RADIL: variants seen among roughly 807,000 people sequenced by gnomAD.
RADIL encodes Rap associating with DIL domain, also known as ras-associating and dilute domain-containing protein.
In RADIL, 99 loss-of-function variants were observed where a neutral mutation model predicts 97.6. The ratio of observed to expected loss-of-function variants is 1.01; its 90% confidence interval spans 0.86 to 1.20. RADIL has a LOEUF of 1.20. Among genes scored for constraint, RADIL ranks in the 50% most tolerant of loss-of-function variants. RADIL has a pLI of 0.00. For synonymous variants in RADIL, 803 were observed against 691.8 expected, an observed-to-expected ratio of 1.16 and a Z score of -2.52; for missense variants, 1,765 against 1,498.9, an observed-to-expected ratio of 1.18 and a Z score of -2.93.
chr7:4,873,962 T>A lies in RADIL; in HGVS notation c.535+3643A>T. Among the ~76,000 whole-genome samples, 1 of 152,234 alleles carries A rather than the reference T, an allele frequency of 6.6e-6. No homozygotes were observed. Among genetic ancestry groups the A allele is most frequent in the East Asian group, 1.9e-4 (1 of 5,194 alleles). ...CCCACCTCCTCCCCTTCTCTGGCTCTCAGTCGTTCCCCTTGGAGGGGCGAG... is the reference window on the plus strand; with the variant it reads ...CCCACCTCCTCCCCTTCTCTGGCTCACAGTCGTTCCCCTTGGAGGGGCGAG... On this transcript the variant is annotated intron_variant, in intron 2 of 14. Transcript: ENST00000399583. The surrounding 1 kb of genome is among the most constrained non-coding windows in gnomAD (Gnocchi z 4.3).
rs368006169 is a variant in RADIL, at chr7:4,822,433, G to T, written c.1576C>A (p.Leu526Ile). 6 of 1,612,854 alleles carry T rather than the reference G, an allele frequency of 3.7e-6. No homozygotes were observed. The highest frequency in any genetic ancestry group is 4.2e-6 in the Non-Finnish European group (5 of 1,179,966). The change falls in exon 6 of 15, where the codon CTC becomes ATC. Residue 526 changes from leucine (L) to isoleucine (I), a missense_variant. Coordinates refer to ENST00000399583, the MANE Select transcript of RADIL (RefSeq NM_018059.5). This position sits in a 1 kb window ranked among gnomAD's most constrained non-coding sequence, Gnocchi z 5.3. ...LLYFIQQKCP[L>I]YMQSMEEQLD... ...TGCTCCTCCATGCTCTGCATGTAGA[G>T]TGGGCATTTCTGCTGGATAAAGTAC...
rs1783344759 is a variant in RADIL, at chr7:4,837,960, A to T, written c.536-1355T>A. On this transcript the variant is annotated intron_variant, in intron 2 of 14. Transcript: ENST00000399583. This position sits in a 1 kb window ranked among gnomAD's most constrained non-coding sequence, Gnocchi z 5.6. The stretch of plus-strand genomic sequence containing the variant: ...AACCATTCCCAATAAAACCAAACAA[A>T]AGCCGGATGGAGGGAGGCGTCAGCT... 1 of 985,114 alleles carries T rather than the reference A, an allele frequency of 1.0e-6. No individual in the cohort carries two copies. Among genetic ancestry groups the T allele is most frequent in the East Asian group, 1.1e-4 (1 of 8,768 alleles). The allele number at this position is 985,114 out of a possible 1,614,324, so 61.0% of individuals were successfully genotyped here.
rs527548667 is a variant in RADIL at position 4,799,220 on chromosome 7, A to G, written c.*158T>C. On this transcript the variant is annotated 3_prime_UTR_variant, in exon 15 of 15. Transcript: ENST00000399583. ...CATCTGCCATATAAATAGAACCTAC[A>G]CTGAGATGCATGTTATCAACAGGCA... is the stretch of plus-strand genomic sequence containing the variant. 4 of 622,970 alleles carry G rather than the reference A, an allele frequency of 6.4e-6. No individual in the cohort carries two copies. Among genetic ancestry groups the G allele is most frequent in the East Asian group, 2.7e-5 (1 of 36,418 alleles). The allele number at this position is 622,970 out of a possible 1,614,324, so 38.6% of individuals were successfully genotyped here. A position where few individuals can be genotyped will look rare whatever the true frequency, so the allele number is the denominator to read the frequency against.
rs1364706036 is a variant in RADIL, at chr7:4,817,529, C to T, written c.1616-178G>A. 6.6e-6 allele frequency among the ~76,000 whole-genome samples: 1 copy of T among 152,168 alleles called. No individual in the cohort carries two copies. The highest frequency in any genetic ancestry group is 2.4e-5 in the African/African-American group (1 of 41,428). On this transcript the variant is annotated intron_variant, in intron 6 of 14. Coordinates refer to ENST00000399583, the MANE Select transcript of RADIL (RefSeq NM_018059.5). This position sits in a 1 kb window ranked among gnomAD's most constrained non-coding sequence, Gnocchi z 8.3. ...CCCTGGCTGGGACGAGCGCAGCAAA[C>T]CTGCCGCCACTCTTACCTGGGGAGG... is the stretch of plus-strand genomic sequence containing the variant.
chr7:4,850,089 C>T (rs1783670814), intron 2 of RADIL, among the ~76,000 whole-genome samples: 1 of 151,924 alleles, frequency 6.6e-6, no homozygotes, highest in Non-Finnish European at 1.5e-5. Flanking sequence ...GGAGGTATAA[C>T]ACACGATGTA....
intron 9 of RADIL, among the ~76,000 whole-genome samples, chr7:4,811,747 A>T (rs141642598): frequency 0.11 from 16,435 of 152,062 alleles, 1,198 homozygotes; most frequent in African/African-American, 0.21. Flanking sequence ...TCGGCCTCCC[A>T]AAGTGCTGGG....
chr7:4,829,447 C>T (rs573911897), intron 5 of RADIL, among the ~76,000 whole-genome samples: 1 of 152,314 alleles, frequency 6.6e-6, no homozygotes, highest in African/African-American at 2.4e-5. Flanking sequence ...CAGTGGTCCC[C>T]AAGCTGTCCC....
intron 2 of RADIL, among the ~76,000 whole-genome samples, chr7:4,851,533 T>TG (rs1364667965): frequency 6.6e-6 from 1 of 152,166 alleles, no homozygotes; most frequent in Non-Finnish European, 1.5e-5. Context: ...GCGAGGGGCA[T>TG]GTTACTGGAA....
intron 2 of RADIL, among the ~76,000 whole-genome samples, chr7:4,868,469 C>G (rs1287677386): frequency 6.6e-6 from 1 of 152,132 alleles, no homozygotes; most frequent in Non-Finnish European, 1.5e-5. Context: ...GGTGCAAAGC[C>G]GAAATCTTTG....
chr7:4,853,571 C>T (rs758893878), intron 2 of RADIL, among the ~76,000 whole-genome samples: 2 of 151,806 alleles, frequency 1.3e-5, no homozygotes, highest in Non-Finnish European at 2.9e-5. Flanking sequence ...GGAGAAACCC[C>T]GTCTCTACTA....
rs946012566 is a variant in RADIL, at chr7:4,880,923, C to T, written c.-65+2673G>A. ...ACTAGCCTGGGCAACATAACAAGAT[C>T]CCAATCTCTACAGAAAATAAAAATA... On this transcript the variant is annotated intron_variant, in intron 1 of 14. Coordinates refer to ENST00000399583, the MANE Select transcript of RADIL (RefSeq NM_018059.5). This position sits in a 1 kb window ranked among gnomAD's most constrained non-coding sequence, Gnocchi z 4.5. 1.3e-5 allele frequency among the ~76,000 whole-genome samples: 2 copies of T among 152,034 alleles called. No homozygotes were observed. Among genetic ancestry groups the T allele is most frequent in the African/African-American group, 4.8e-5 (2 of 41,372 alleles).
At chr7:4,846,366 C>T (rs1273868484) in intron 2 of RADIL, among the ~76,000 whole-genome samples, 3 of 151,872 alleles carry the variant, frequency 2.0e-5, no homozygotes, top group South Asian at 2.1e-4. Context: ...AGTGTGGTCT[C>T]GATCTCCTGA....
rs1784415293 is a variant in RADIL at position 4,878,283 on chromosome 7, C to T, written c.-64-80G>A. ...ATGAGGCCACAGGCGGTGACTCCTG[C>T]CCGTCATCCCAGCGCTTTAGAAGGC... is the stretch of plus-strand genomic sequence containing the variant. On this transcript the variant is annotated intron_variant, in intron 1 of 14. Transcript: ENST00000399583. The surrounding 1 kb of genome is among the most constrained non-coding windows in gnomAD (Gnocchi z 4.1). 9 of 923,268 alleles carry T rather than the reference C, an allele frequency of 9.7e-6. No individual in the cohort carries two copies. Among genetic ancestry groups the T allele is most frequent in the Non-Finnish European group, 1.4e-5 (9 of 638,790 alleles). The allele number at this position is 923,268 out of a possible 1,614,324, so 57.2% of individuals were successfully genotyped here.
chr7:4,860,729 T>C, intron 2 of RADIL: 1 of 1,614,140 alleles, frequency 6.2e-7, no homozygotes, highest in Non-Finnish European at 8.5e-7. Flanking sequence ...TTCAAAGAGT[T>C]TGGACCACTC....
chr7:4,799,864 CG>C, intron 13 of RADIL, 95 bp from the exon 14 acceptor site: 3 of 1,423,298 alleles, frequency 2.1e-6, no homozygotes, highest in Non-Finnish European at 2.8e-6. Context: ...TACAGGCCCC[CG>C]CCTGGCATCC....
At chr7:4,833,623 G>C (rs539624551) in intron 4 of RADIL, among the ~76,000 whole-genome samples, 1 of 152,158 alleles carries the variant, frequency 6.6e-6, no homozygotes, top group East Asian at 1.9e-4. Flanking sequence ...TGTGGATTTC[G>C]ATATGAGAAA....
At chr7:4,847,243 C>G (rs553665903) in intron 2 of RADIL, among the ~76,000 whole-genome samples, 1 of 152,144 alleles carries the variant, frequency 6.6e-6, no homozygotes, top group African/African-American at 2.4e-5. Flanking sequence ...ATCGCTTGAA[C>G]CCAGGAGGCA....
chr7:4,861,472 T>C (rs1583316589), intron 2 of RADIL: 1 of 1,614,078 alleles, frequency 6.2e-7, no homozygotes, highest in Middle Eastern at 1.6e-4. Context: ...CGTCAATATC[T>C]GCGCCTTTCG....
At position 4,835,104 on chromosome 7, in the gene RADIL, C is replaced by A. The variant is rs148761575; in HGVS notation, c.919G>T (p.Asp307Tyr). The A allele has an allele frequency of 5.6e-6, 9 of 1,608,616 alleles. No individual in the cohort carries two copies. In the East Asian group the frequency reaches 2.0e-4, roughly 36 times the overall value. Reference protein sequence around the residue: ...HCTIRRQPLPDSGQAAGRLVL... With the variant: ...HCTIRRQPLPYSGQAAGRLVL... ...AGCCTCCCCGCGGCCTGGCCGCTGT[C>A]CGGGAGCGGTTGCCGGCGGATGGTG... The change falls in exon 4 of 15, where the codon GAC becomes TAC. Residue 307 changes from aspartate (D) to tyrosine (Y), a missense_variant. Asp to Tyr is a radical substitution (Grantham distance 160). Transcript: ENST00000399583. This position sits in a 1 kb window ranked among gnomAD's most constrained non-coding sequence, Gnocchi z 5.8.
Sources: gnomAD v4.1 joint callset for allele counts (sites outside exome capture counted in the v4.1 genomes callset) on GRCh38, gnomAD v4.1.1 for gene constraint, Gnocchi (gnomAD v3.1) non-coding constraint, MANE v1.5 for transcripts, NCBI Gene and HGNC (gene_info 2026-07-23, HGNC 2026-07-21) for gene names.